ANGPT1: variants seen among roughly 807,000 people sequenced by gnomAD.
ANGPT1 encodes angiopoietin 1.
Under a neutral mutation model 62.2 loss-of-function variants are expected in ANGPT1, and 17 were observed. The ratio of observed to expected loss-of-function variants is 0.27; its 90% CI spans 0.19 to 0.41. The LOEUF (loss-of-function observed/expected upper bound fraction) is 0.41. ANGPT1 is among the 10% of genes least tolerant of loss of function. The pLI, the probability that ANGPT1 is intolerant of heterozygous loss-of-function variation, is 1.00. For synonymous variants in ANGPT1, 199 were observed against 198.9 expected (o/e 1.00, Z 0.00); for missense variants, 478 against 594.9 (o/e 0.80, Z 2.04).
chr8:107,439,603 T>C (rs1017920088), intron 1 of ANGPT1, among the ~76,000 whole-genome samples: 3 of 152,196 alleles, frequency 2.0e-5, no homozygotes, highest in Non-Finnish European at 4.4e-5. Context: ...CCAATTCCTG[T>C]TCTAATATGA....
intron 4 of ANGPT1, among the ~76,000 whole-genome samples, chr8:107,316,559 T>C (rs974558642): frequency 1.3e-5 from 2 of 152,222 alleles, no homozygotes. Flanking sequence ...GGTCCCCTAC[T>C]CCAGGCTTCT....
chr8:107,420,306 C>T (rs924249389), intron 1 of ANGPT1, among the ~76,000 whole-genome samples: 1 of 152,020 alleles, frequency 6.6e-6, no homozygotes, highest in African/African-American at 2.4e-5. Flanking sequence ...TTCAAGCCTC[C>T]CCCAGTTCAA....
intron 1 of ANGPT1, among the ~76,000 whole-genome samples, chr8:107,468,475 T>C (rs1812263048): frequency 6.6e-6 from 1 of 152,092 alleles, no homozygotes; most frequent in African/African-American, 2.4e-5. Context: ...TTAATCTACT[T>C]CTGTGATTGG....
At chr8:107,451,855 C>T (rs1023055948) in intron 1 of ANGPT1, among the ~76,000 whole-genome samples, 4 of 151,910 alleles carry the variant, frequency 2.6e-5, no homozygotes, top group African/African-American at 9.7e-5. Flanking sequence ...TTTTATTTGA[C>T]TGCCAGAACT....
chr8:107,278,273 A>G (rs2130104631), intron 7 of ANGPT1, among the ~76,000 whole-genome samples: 1 of 152,064 alleles, frequency 6.6e-6, no homozygotes, highest in Admixed American at 6.6e-5. Flanking sequence ...AATAGAGACA[A>G]AGTTCTCGCT....
chr8:107,260,570 A>T (rs1813468443), intron 8 of ANGPT1, among the ~76,000 whole-genome samples: 1 of 152,156 alleles, frequency 6.6e-6, no homozygotes, highest in Non-Finnish European at 1.5e-5. Flanking sequence ...GGGAGTAACT[A>T]AGTAGGACCT....
intron 1 of ANGPT1, among the ~76,000 whole-genome samples, chr8:107,354,037 A>G (rs1815989072): frequency 6.6e-6 from 1 of 152,062 alleles, no homozygotes; most frequent in African/African-American, 2.4e-5. Context: ...TTCTCCTGCC[A>G]TTGCTTTTTT....
At chr8:107,417,371 T>C (rs1264923321) in intron 1 of ANGPT1, among the ~76,000 whole-genome samples, 1 of 152,130 alleles carries the variant, frequency 6.6e-6, no homozygotes, top group Non-Finnish European at 1.5e-5. Flanking sequence ...GCCATTGTTA[T>C]CACATGCTAC....
At chr8:107,295,857 G>C (rs908591889) in intron 5 of ANGPT1, among the ~76,000 whole-genome samples, 3 of 152,060 alleles carry the variant, frequency 2.0e-5, no homozygotes, top group Non-Finnish European at 4.4e-5. Context: ...TGCTTGTTAA[G>C]GACCAAATAA....
rs1475407686 is a variant in ANGPT1, at chr8:107,294,026, A to G, written c.948T>C (p.Asn316=). The change falls in exon 6 of 9, where the codon AAT becomes AAC. Residue 316 remains asparagine, a synonymous_variant. Coordinates refer to ENST00000517746, the MANE Select transcript of ANGPT1 (RefSeq NM_001146.5). ...TCCAACCTCCCCCATTGACATCCAT[A>G]TTGCAAAACACCTGACAAATGGAAA... The part of the protein sequence containing the change: ...NMPEPKKVFC[N]MDVNGGGWTV... The G allele has an allele frequency of 1.9e-6, 3 of 1,611,372 alleles. No individual in the cohort carries two copies. The highest frequency in any genetic ancestry group is 2.5e-6 in the Non-Finnish European group (3 of 1,178,878).
intron 1 of ANGPT1, among the ~76,000 whole-genome samples, chr8:107,479,736 T>C (rs954215460): frequency 2.4e-4 from 36 of 152,282 alleles, no homozygotes; most frequent in African/African-American, 8.4e-4. Context: ...TTTTTAATGA[T>C]CAGAAAAATT....
At chr8:107,311,102 G>A (rs114548310) in intron 4 of ANGPT1, among the ~76,000 whole-genome samples, 6 of 151,924 alleles carry the variant, frequency 3.9e-5, no homozygotes, top group African/African-American at 1.5e-4. Context: ...ATGTGTGTGT[G>A]TGTCTGTGTT....
rs765055093 is a variant in ANGPT1 at position 107,419,935 on chromosome 8, CTTAAT to C, written c.298-72843_298-72839del. On this transcript the variant is annotated intron_variant, in intron 1 of 8. Transcript: ENST00000517746. ...TACGCTAAATGCTTTACATTCGTGA[CTTAAT>C]TTAATCTCCGCAAACATCTCATTAG... Among the ~76,000 whole-genome samples the C allele has an allele frequency of 4.6e-5, 7 of 152,290 alleles. No homozygotes were observed. The South Asian group carries it at 6.2e-4, about 14-fold the overall frequency.
chr8:107,258,245 G>A (rs1813416058), intron 8 of ANGPT1, among the ~76,000 whole-genome samples: 1 of 152,048 alleles, frequency 6.6e-6, no homozygotes, highest in South Asian at 2.1e-4. Context: ...GGCCTCTGGA[G>A]GTTGAGTACC....
intron 1 of ANGPT1, among the ~76,000 whole-genome samples, chr8:107,438,858 T>C (rs1281362630): frequency 6.6e-6 from 1 of 152,152 alleles, no homozygotes; most frequent in Non-Finnish European, 1.5e-5. Flanking sequence ...ATAATTAACA[T>C]GAGAGAATGA....
chr8:107,451,051 T>C (rs1046333611), intron 1 of ANGPT1, among the ~76,000 whole-genome samples: 2 of 151,836 alleles, frequency 1.3e-5, no homozygotes, highest in Non-Finnish European at 2.9e-5. Flanking sequence ...TGCCAAGACA[T>C]AATCTCCCTC....
chr8:107,289,840 C>T (rs1405713838), intron 6 of ANGPT1, among the ~76,000 whole-genome samples: 5 of 152,032 alleles, frequency 3.3e-5, no homozygotes, highest in African/African-American at 7.2e-5. Flanking sequence ...TAAAATTAGG[C>T]CATTTTGGGT....
chr8:107,460,784 T>G (rs1812050141), intron 1 of ANGPT1, among the ~76,000 whole-genome samples: 1 of 152,168 alleles, frequency 6.6e-6, no homozygotes, highest in Admixed American at 6.6e-5. Flanking sequence ...AGATATGATT[T>G]TCAGTTAAAT....
At chr8:107,324,661 A>T (rs79602245) in intron 3 of ANGPT1, among the ~76,000 whole-genome samples, 2 of 152,200 alleles carry the variant, frequency 1.3e-5, no homozygotes, top group African/African-American at 4.8e-5. Flanking sequence ...AATCTTTGCC[A>T]ACAAACTTGT....
Sources: gnomAD v4.1 joint callset for allele counts (sites outside exome capture counted in the v4.1 genomes callset) on GRCh38, gnomAD v4.1.1 for gene constraint, MANE v1.5 for transcripts, NCBI Gene and HGNC (gene_info 2026-07-23, HGNC 2026-07-21) for gene names.